Variants in ULK4 observed in about 807,000 individuals in gnomAD.
ULK4 encodes inactive serine/threonine-protein kinase ULK4.
ULK4 carries 133 observed loss-of-function variants against 160.6 expected under a neutral mutation model. The observed-to-expected ratio is 0.83, with a 90% CI of 0.72 to 0.96. The LOEUF (loss-of-function observed/expected upper bound fraction) is 0.96, where lower values mean the gene tolerates loss of function less well. Ranked by LOEUF, ULK4 falls within the 40% of genes least tolerant of loss-of-function variation. ULK4 has a pLI of 0.00. For missense variants in ULK4, 1,580 were observed against 1,499.5 expected (o/e 1.05, Z -0.89); for synonymous variants, 534 against 539.8 (o/e 0.99, Z 0.15).
At chr3:41,490,052 C>A (rs886970921) in intron 32 of ULK4, among the ~76,000 whole-genome samples, 2 of 152,166 alleles carry the variant, frequency 1.3e-5, no homozygotes, top group African/African-American at 4.8e-5. Context: ...CAACCCACAG[C>A]TGTTACTCAG....
chr3:41,282,423 A>G (rs944081940), intron 35 of ULK4, among the ~76,000 whole-genome samples: 43 of 152,344 alleles, frequency 2.8e-4, no homozygotes, highest in Non-Finnish European at 5.4e-4. Context: ...CAGTAACCAA[A>G]ACAGCATGGT....
chr3:41,835,740 T>C, intron 18 of ULK4, 124 bp downstream of exon 18: 1 of 589,912 alleles, frequency 1.7e-6, no homozygotes, highest in Admixed American at 3.0e-5. Flanking sequence ...GTAAAATTTA[T>C]CCTAAGTTCC....
intron 32 of ULK4, among the ~76,000 whole-genome samples, chr3:41,526,357 TG>T (rs151046540): frequency 6.6e-6 from 1 of 152,266 alleles, no homozygotes; most frequent in African/African-American, 2.4e-5. Flanking sequence ...TAGAATGAGA[TG>T]GGGCCTCCAT....
chr3:41,781,516 T>C (rs2039841468), intron 21 of ULK4, among the ~76,000 whole-genome samples: 1 of 152,228 alleles, frequency 6.6e-6, no homozygotes. Flanking sequence ...ATATTTACTT[T>C]TTAAAATTCC....
chr3:41,518,567 C>T (rs1330589680), intron 32 of ULK4, among the ~76,000 whole-genome samples: 1 of 152,090 alleles, frequency 6.6e-6, no homozygotes, highest in Non-Finnish European at 1.5e-5. Flanking sequence ...TGTTTTAATC[C>T]CAGTAATAAC....
chr3:41,702,855 G>GTTTTTTTTTTTTTTTTTTTTTTTTT (rs778490796), intron 27 of ULK4, among the ~76,000 whole-genome samples: 1 of 146,252 alleles, frequency 6.8e-6, no homozygotes. Context: ...TTTTTTTTTG[G>GTTTTTTTTTTTTTTTTTTTTTTTTT]TTTTGTTTTT....
chr3:41,893,727 A>T (rs1296730563), intron 16 of ULK4, among the ~76,000 whole-genome samples: 3 of 152,172 alleles, frequency 2.0e-5, no homozygotes. Context: ...TTTATTTTTA[A>T]ATGTTAATAA....
intron 32 of ULK4, among the ~76,000 whole-genome samples, chr3:41,480,332 C>A (rs2084281411): frequency 6.6e-6 from 1 of 151,168 alleles, no homozygotes; most frequent in South Asian, 2.1e-4. Flanking sequence ...TTTGTAAATA[C>A]ACAGATATAT....
In ULK4 at chr3:41,911,309, TTACC is replaced by T. The variant is rs1450094268; in HGVS notation, c.1085+4_1085+7del. ...TTGCACTGATCCCTCTTTTTTCATT[TTACC>T]TACCTGAGAAGAAACATGGATTCAT... On this transcript the variant is annotated splice_donor_5th_base_variant and intron_variant, in intron 11 of 36. Coordinates refer to ENST00000301831, the MANE Select transcript of ULK4 (RefSeq NM_017886.4). The T allele has an allele frequency of 6.2e-7, 1 of 1,613,192 alleles. No individual in the cohort carries two copies. Among genetic ancestry groups the T allele is most frequent in the East Asian group, 2.2e-5 (1 of 44,864 alleles).
chr3:41,812,710 C>G (rs1462963002), intron 19 of ULK4, among the ~76,000 whole-genome samples: 1 of 152,188 alleles, frequency 6.6e-6, no homozygotes, highest in Non-Finnish European at 1.5e-5. Flanking sequence ...GAGCCTCACC[C>G]CTGAGTCTGA....
At chr3:41,673,672 A>T (rs1009034491) in intron 29 of ULK4, among the ~76,000 whole-genome samples, 14 of 149,650 alleles carry the variant, frequency 9.4e-5, no homozygotes, top group African/African-American at 3.3e-4. Context: ...ACTCAAACCT[A>T]AATATATATA....
At chr3:41,642,176 T>A (rs956152877) in intron 30 of ULK4, among the ~76,000 whole-genome samples, 3 of 152,080 alleles carry the variant, frequency 2.0e-5, no homozygotes, top group African/African-American at 7.2e-5. Context: ...GCCCAGCCAA[T>A]ACGTAACAGT....
intron 34 of ULK4, among the ~76,000 whole-genome samples, chr3:41,454,401 G>A (rs1221614854): frequency 6.6e-5 from 10 of 150,816 alleles, no homozygotes; most frequent in African/African-American, 1.9e-4. Flanking sequence ...TTAGCTGGGC[G>A]TGGTGGTGGG....
chr3:41,810,104 T>C (rs1408473133), intron 19 of ULK4, among the ~76,000 whole-genome samples: 1 of 152,250 alleles, frequency 6.6e-6, no homozygotes, highest in Non-Finnish European at 1.5e-5. Flanking sequence ...ACTATATTTA[T>C]ATATCATATG....
chr3:41,923,162 CTG>C (rs1699255045), intron 5 of ULK4, among the ~76,000 whole-genome samples: 1 of 151,658 alleles, frequency 6.6e-6, no homozygotes, highest in Non-Finnish European at 1.5e-5. Flanking sequence ...GAGCAAGACT[CTG>C]TCTCAAAAAA....
chr3:41,935,047 G>C (rs1294713716), intron 4 of ULK4, among the ~76,000 whole-genome samples: 1 of 134,364 alleles, frequency 7.4e-6, no homozygotes, highest in East Asian at 2.2e-4. Context: ...TTGAAATGGA[G>C]TCTCGCTCTG....
chr3:41,453,102 A>G (rs2083459110), intron 34 of ULK4, among the ~76,000 whole-genome samples: 1 of 152,176 alleles, frequency 6.6e-6, no homozygotes, highest in Non-Finnish European at 1.5e-5. Context: ...AGTAAGATCA[A>G]AGGTAAAGCA....
chr3:41,786,226 T>C (rs911965432), intron 21 of ULK4, among the ~76,000 whole-genome samples: 4 of 152,178 alleles, frequency 2.6e-5, no homozygotes, highest in African/African-American at 7.2e-5. Flanking sequence ...CTAGCACTTA[T>C]ACACTCCAAG....
In ULK4 at chr3:41,681,811, G is replaced by T. The variant is rs1413375059; in HGVS notation, c.2782-7C>A. The stretch of plus-strand genomic sequence containing the variant: ...GCAGTATATAGTCAACAACCTAAAA[G>T]AAAGCATGTAAAAGACTCAGAATCT... On this transcript the variant is annotated splice_region_variant and splice_polypyrimidine_tract_variant and intron_variant, in intron 27 of 36. Transcript: ENST00000301831. 2 of 1,613,820 alleles carry T rather than the reference G, an allele frequency of 1.2e-6. No homozygotes were observed. The highest frequency in any genetic ancestry group is 2.2e-5 in the South Asian group (2 of 91,036).
Sources: allele counts gnomAD v4.1 joint callset (sites outside exome capture counted in the v4.1 genomes callset), GRCh38; gene constraint gnomAD v4.1.1; transcripts MANE v1.5; gene names NCBI Gene and HGNC (gene_info 2026-07-23, HGNC 2026-07-21).